ITGA9: variants seen among roughly 807,000 people sequenced by gnomAD.
ITGA9 encodes the protein integrin alpha-9.
ITGA9 carries 56 observed loss-of-function variants against 127.8 expected under a neutral mutation model. The ratio of observed to expected loss-of-function variants is 0.44; its 90% CI spans 0.35 to 0.55. The LOEUF (loss-of-function observed/expected upper bound fraction) is 0.55, where lower values mean the gene tolerates loss of function less well. Among genes scored for constraint, ITGA9 ranks in the 20% least tolerant of loss-of-function variants. The probability of loss-of-function intolerance (pLI) is 0.00; values close to 1 mark genes in which losing one functional copy is unlikely to be tolerated. For synonymous variants in ITGA9, 508 were observed against 514.5 expected, an observed-to-expected ratio of 0.99 and a Z score of 0.17; for missense variants, 1,196 against 1,347.1, an observed-to-expected ratio of 0.89 and a Z score of 1.76.
intron 14 of ITGA9, among the ~76,000 whole-genome samples, chr3:37,541,309 G>T (rs1699267621): frequency 6.6e-6 from 1 of 152,170 alleles, no homozygotes; most frequent in African/African-American, 2.4e-5. Flanking sequence ...AGAGATTCCT[G>T]TTCTCTCACT....
intron 15 of ITGA9, among the ~76,000 whole-genome samples, chr3:37,572,020 T>G (rs1013059274): frequency 5.9e-5 from 9 of 152,134 alleles, no homozygotes; most frequent in African/African-American, 2.2e-4. Flanking sequence ...GTAAATTATT[T>G]TGGTAGCCCG....
At chr3:37,724,880 G>A (rs1225101916) in intron 18 of ITGA9, among the ~76,000 whole-genome samples, 1 of 152,126 alleles carries the variant, frequency 6.6e-6, no homozygotes, top group African/African-American at 2.4e-5. Flanking sequence ...ATTGGTGAGT[G>A]AATTAATGAA....
intron 24 of ITGA9, among the ~76,000 whole-genome samples, chr3:37,779,032 C>T (rs541116881): frequency 7.2e-5 from 11 of 152,132 alleles, no homozygotes; most frequent in Non-Finnish European, 1.3e-4. Context: ...GGTATGTATA[C>T]GCATTTTGGA....
intron 23 of ITGA9, among the ~76,000 whole-genome samples, chr3:37,765,744 G>A (rs11717481): frequency 0.31 from 47,355 of 152,008 alleles, 7,639 homozygotes; most frequent in Middle Eastern, 0.43. Flanking sequence ...TTCAGTCCCG[G>A]CTGTCCGTAC....
chr3:37,520,613 G>A (rs1240549997), intron 11 of ITGA9, among the ~76,000 whole-genome samples: 1 of 152,200 alleles, frequency 6.6e-6, no homozygotes, highest in Admixed American at 6.5e-5. Context: ...AGTCTGAGGG[G>A]CATTTATCTA....
chr3:37,469,118 C>T (rs151014866), intron 1 of ITGA9, among the ~76,000 whole-genome samples: 3 of 152,300 alleles, frequency 2.0e-5, no homozygotes, highest in East Asian at 1.9e-4. Context: ...CCATTTCCCC[C>T]GTGTTCTGCA....
chr3:37,579,369 TG>T (rs769120842), intron 15 of ITGA9, among the ~76,000 whole-genome samples: 58 of 152,184 alleles, frequency 3.8e-4, no homozygotes, highest in African/African-American at 1.2e-4. Flanking sequence ...AGTTACCTTA[TG>T]GCCCAATGTG....
chr3:37,758,781 G>T (rs897869426), intron 23 of ITGA9, among the ~76,000 whole-genome samples: 2 of 151,988 alleles, frequency 1.3e-5, no homozygotes, highest in African/African-American at 2.4e-5. Context: ...TGTAAAAATT[G>T]TTATTGTCTC....
intron 8 of ITGA9, among the ~76,000 whole-genome samples, chr3:37,512,380 T>C (rs1011637558): frequency 1.3e-5 from 2 of 151,076 alleles, no homozygotes; most frequent in Non-Finnish European, 2.9e-5. Flanking sequence ...CCACCACGCC[T>C]GGCTAATTTT....
rs887112427 is a variant in ITGA9 at position 37,758,180 on chromosome 3, G to A, written c.2541+7611G>A. Among the ~76,000 whole-genome samples, 7 of 149,444 alleles carry A rather than the reference G, an allele frequency of 4.7e-5. No individual in the cohort carries two copies. In the East Asian group the frequency reaches 5.9e-4, roughly 12 times the overall value. On this transcript the variant is annotated intron_variant, in intron 23 of 27. Transcript: ENST00000264741. ...CTACTAAAAATACAAAAAATTAGCC[G>A]GGCGCGGTGGCGGGCGCCTGTAGTC...
intron 18 of ITGA9, among the ~76,000 whole-genome samples, chr3:37,701,445 T>C (rs1700945429): frequency 2.0e-5 from 3 of 152,162 alleles, no homozygotes; most frequent in Admixed American, 1.3e-4. Flanking sequence ...GCCACAACTA[T>C]GGGCAGCTGG....
In ITGA9 at chr3:37,539,010, C is replaced by G. The variant is rs767733226; in HGVS notation, c.1529-3415C>G. 8.5e-4 allele frequency among the ~76,000 whole-genome samples: 129 copies of G among 152,338 alleles called. 1 individual carries two copies. Among genetic ancestry groups the G allele is most frequent in the Non-Finnish European group, 1.6e-3 (111 of 68,040 alleles). On this transcript the variant is annotated intron_variant, in intron 14 of 27. Coordinates refer to ENST00000264741, the MANE Select transcript of ITGA9 (RefSeq NM_002207.3). ...AGTTTAATGTGCTGGCATGCACACA[C>G]CCCGCTGGAGAGGAGCAGCAGTTGC...
intron 19 of ITGA9, 40 bp downstream of exon 19, chr3:37,732,838 C>T (rs768245888): frequency 2.7e-6 from 4 of 1,466,724 alleles, no homozygotes; most frequent in Non-Finnish European, 3.8e-6. Flanking sequence ...GCAGCAGGCC[C>T]CCAGCCCTTC....
At chr3:37,537,269 C>T (rs1349521252) in intron 14 of ITGA9, among the ~76,000 whole-genome samples, 3 of 152,138 alleles carry the variant, frequency 2.0e-5, no homozygotes, top group Non-Finnish European at 2.9e-5. Flanking sequence ...GGCCAGCTGC[C>T]GTGAGAAACT....
At chr3:37,748,537 C>G (rs1339600710) in intron 22 of ITGA9, 2 of 470,804 alleles carry the variant, frequency 4.2e-6, no homozygotes, top group Non-Finnish European at 7.8e-6. Context: ...CACCTGAGGT[C>G]AGGAGTTTGA....
chr3:37,699,326 C>T (rs1378744103), intron 18 of ITGA9, among the ~76,000 whole-genome samples: 1 of 152,182 alleles, frequency 6.6e-6, no homozygotes, highest in Non-Finnish European at 1.5e-5. Flanking sequence ...ACATTTCTCA[C>T]ACTTAAGATG....
At chr3:37,610,218 AGATTTTACAT>A (rs1700003468) in intron 15 of ITGA9, among the ~76,000 whole-genome samples, 1 of 152,182 alleles carries the variant, frequency 6.6e-6, no homozygotes, top group Non-Finnish European at 1.5e-5. Flanking sequence ...CTCCTAAATT[AGATTTTACAT>A]TTTTGAGGGC....
intron 23 of ITGA9, among the ~76,000 whole-genome samples, chr3:37,755,374 C>A (rs569335077): frequency 1.3e-5 from 2 of 152,026 alleles, no homozygotes; most frequent in Non-Finnish European, 2.9e-5. Context: ...GAGGAGTAGA[C>A]CCCCAAGAAT....
chr3:37,469,673 T>A (rs1298281063), intron 1 of ITGA9, among the ~76,000 whole-genome samples: 1 of 152,206 alleles, frequency 6.6e-6, no homozygotes, highest in Non-Finnish European at 1.5e-5. Context: ...ATAAATGGAA[T>A]CAGACTGTGA....
Sources: allele counts gnomAD v4.1 joint callset (sites outside exome capture counted in the v4.1 genomes callset), GRCh38; gene constraint gnomAD v4.1.1; transcripts MANE v1.5; gene names NCBI Gene and HGNC (gene_info 2026-07-23, HGNC 2026-07-21).